Variants in UNC5C observed in about 807,000 individuals in gnomAD.
The protein encoded by UNC5C is unc-5 netrin receptor C, also known as netrin receptor UNC5C.
UNC5C carries 47 observed loss-of-function variants against 99.8 expected under a neutral mutation model. The ratio of observed to expected loss-of-function variants is 0.47; its 90% CI spans 0.37 to 0.60. UNC5C has a LOEUF of 0.60. UNC5C is among the 20% of genes least tolerant of loss of function. The probability of loss-of-function intolerance (pLI) is 0.00; values close to 1 mark genes in which losing one functional copy is unlikely to be tolerated. For synonymous variants in UNC5C, 487 were observed against 452.2 expected (o/e 1.08, Z -0.98); for missense variants, 1,062 against 1,165.9 (o/e 0.91, Z 1.30).
At chr4:95,198,660 GC>G (rs1469135155) in intron 12 of UNC5C, among the ~76,000 whole-genome samples, 1 of 152,144 alleles carries the variant, frequency 6.6e-6, no homozygotes, top group Non-Finnish European at 1.5e-5. Context: ...GAACCATCCA[GC>G]CTGGGCAGTG....
chr4:95,509,702 G>A (rs1051762284), intron 1 of UNC5C, among the ~76,000 whole-genome samples: 1 of 151,682 alleles, frequency 6.6e-6, no homozygotes. Flanking sequence ...GTTTATGTAT[G>A]TTCATTTAAT....
At chr4:95,512,023 C>T (rs983972519) in intron 1 of UNC5C, among the ~76,000 whole-genome samples, 2 of 151,994 alleles carry the variant, frequency 1.3e-5, no homozygotes, top group Admixed American at 6.6e-5. Flanking sequence ...CACTGGGCAC[C>T]AAGTGCTGGG....
At chr4:95,351,530 T>C (rs767339442) in intron 1 of UNC5C, among the ~76,000 whole-genome samples, 1 of 151,984 alleles carries the variant, frequency 6.6e-6, no homozygotes, top group East Asian at 1.9e-4. Context: ...ATTTAAAAAA[T>C]TCTATGTGGC....
intron 1 of UNC5C, among the ~76,000 whole-genome samples, chr4:95,384,547 T>C (rs528088053): frequency 2.6e-5 from 4 of 152,102 alleles, no homozygotes; most frequent in African/African-American, 9.6e-5. Context: ...TGGACCACAG[T>C]CAACACTGCA....
chr4:95,417,798 C>T (rs184085459), intron 1 of UNC5C, among the ~76,000 whole-genome samples: 23 of 152,282 alleles, frequency 1.5e-4, no homozygotes, highest in Admixed American at 1.1e-3. Flanking sequence ...TGTTGTTTAT[C>T]ATCACCACAT....
At chr4:95,292,259 ATATAT>A (rs528487775) in intron 3 of UNC5C, among the ~76,000 whole-genome samples, 4 of 92,384 alleles carry the variant, frequency 4.3e-5, no homozygotes, top group Non-Finnish European at 4.5e-5. Context: ...ATATATATAT[ATATAT>A]ATAAATTTTT....
rs569853466 is a variant in UNC5C, at chr4:95,326,488, A to T, written c.346+8922T>A. ...GTAACCACAAAATATTGAGTAGATCATGATTTCTATGGAATTTTGAAGGCA... is the reference window on the plus strand; with the variant it reads ...GTAACCACAAAATATTGAGTAGATCTTGATTTCTATGGAATTTTGAAGGCA... On this transcript the variant is annotated intron_variant, in intron 2 of 15. Transcript: ENST00000453304. Among the ~76,000 whole-genome samples, 4 of 152,310 alleles carry T rather than the reference A, an allele frequency of 2.6e-5. No homozygotes were observed. In the South Asian group the frequency reaches 8.3e-4, roughly 32 times the overall value.
chr4:95,181,520 G>A (rs1342082792), intron 14 of UNC5C, among the ~76,000 whole-genome samples: 1 of 152,108 alleles, frequency 6.6e-6, no homozygotes, highest in African/African-American at 2.4e-5. Context: ...CACTGGAGCT[G>A]GGTGGTTATT....
chr4:95,389,258 C>T (rs1745291293), intron 1 of UNC5C, among the ~76,000 whole-genome samples: 2 of 152,122 alleles, frequency 1.3e-5, no homozygotes, highest in South Asian at 4.1e-4. Context: ...ACAGTTAAGG[C>T]AATTTCCCAA....
chr4:95,190,496 A>T (rs12510488), intron 12 of UNC5C, among the ~76,000 whole-genome samples: 82,959 of 150,494 alleles, frequency 0.55, 25,120 homozygotes, highest in Admixed American at 0.74. Context: ...GAATAAAAAA[A>T]TTTTTTTTTT....
At chr4:95,468,472 C>T (rs1454392927) in intron 1 of UNC5C, among the ~76,000 whole-genome samples, 4 of 152,032 alleles carry the variant, frequency 2.6e-5, no homozygotes, top group Non-Finnish European at 5.9e-5. Context: ...TTTGCTATAT[C>T]CATAATATCT....
chr4:95,367,802 T>A (rs1221603846), intron 1 of UNC5C, among the ~76,000 whole-genome samples: 3 of 152,222 alleles, frequency 2.0e-5, no homozygotes, highest in Admixed American at 6.5e-5. Flanking sequence ...ATCAATTATA[T>A]TACCTACCAT....
intron 1 of UNC5C, among the ~76,000 whole-genome samples, chr4:95,516,260 G>A (rs1722215768): frequency 6.6e-6 from 1 of 152,114 alleles, no homozygotes; most frequent in African/African-American, 2.4e-5. Flanking sequence ...ATCTTCATTT[G>A]TCCCAGTATA....
At chr4:95,354,479 A>ATATATATTTTTTTTTTT in intron 1 of UNC5C, among the ~76,000 whole-genome samples, 11 of 110,352 alleles carry the variant, frequency 1.0e-4, no homozygotes, top group Non-Finnish European at 2.0e-4. Flanking sequence ...ATATATATAT[A>ATATATATTTTTTTTTTT]TTTTTTTTTT....
At chr4:95,309,092 C>A (rs1742173689) in intron 2 of UNC5C, among the ~76,000 whole-genome samples, 1 of 151,982 alleles carries the variant, frequency 6.6e-6, no homozygotes, top group East Asian at 1.9e-4. Flanking sequence ...ACACACAGAC[C>A]AATGGAACAA....
At chr4:95,194,231 C>T (rs1737281900) in intron 12 of UNC5C, among the ~76,000 whole-genome samples, 2 of 152,216 alleles carry the variant, frequency 1.3e-5, no homozygotes, top group Admixed American at 6.5e-5. Flanking sequence ...GACAACAGTT[C>T]TCTCTCACAT....
At chr4:95,401,227 C>A (rs1432717296) in intron 1 of UNC5C, among the ~76,000 whole-genome samples, 2 of 152,072 alleles carry the variant, frequency 1.3e-5, no homozygotes, top group African/African-American at 4.8e-5. Flanking sequence ...ATTAGGGGAA[C>A]TTCAGGGGGG....
At position 95,500,613 on chromosome 4, in the gene UNC5C, T is replaced by G. The variant is rs1372128156; in HGVS notation, c.124+48121A>C. Among the ~76,000 whole-genome samples the G allele has an allele frequency of 2.0e-5, 3 of 152,136 alleles. No homozygotes were observed. The East Asian group carries it at 5.8e-4, about 29-fold the overall frequency. On this transcript the variant is annotated intron_variant, in intron 1 of 15. Transcript: ENST00000453304. ...AGCTGCATAAACAACAACTTGCTCTTATTTTGATTAAGGAGAGCTATTATA... is the reference window on the plus strand; with the variant it reads ...AGCTGCATAAACAACAACTTGCTCTGATTTTGATTAAGGAGAGCTATTATA...
At chr4:95,214,681 G>A (rs981121046) in intron 10 of UNC5C, among the ~76,000 whole-genome samples, 4 of 152,132 alleles carry the variant, frequency 2.6e-5, no homozygotes, top group Non-Finnish European at 4.4e-5. Flanking sequence ...GCATCTTACT[G>A]TTTCTCACCA....
Sources: gnomAD v4.1 joint callset for allele counts (sites outside exome capture counted in the v4.1 genomes callset) on GRCh38, gnomAD v4.1.1 for gene constraint, MANE v1.5 for transcripts, NCBI Gene and HGNC (gene_info 2026-07-23, HGNC 2026-07-21) for gene names.